Variants in KCNIP1 observed in about 807,000 individuals in gnomAD.
KCNIP1 encodes the protein potassium voltage-gated channel interacting protein 1.
Under a neutral mutation model 33.0 loss-of-function variants are expected in KCNIP1, and 18 were observed. That is an observed-to-expected ratio of 0.55 (90% CI 0.38 to 0.81). KCNIP1 has a LOEUF of 0.81. Ranked by LOEUF, KCNIP1 falls within the 30% of genes least tolerant of loss-of-function variation. KCNIP1 has a pLI of 0.00. For missense variants in KCNIP1, 238 were observed against 271.6 expected (o/e 0.88, Z 0.87); for synonymous variants, 93 against 98.3 (o/e 0.95, Z 0.32).
intron 1 of KCNIP1, among the ~76,000 whole-genome samples, chr5:170,651,673 G>T (rs896825041): frequency 6.6e-5 from 10 of 152,128 alleles, no homozygotes; most frequent in African/African-American, 2.4e-4. Flanking sequence ...ATTTGCTTCC[G>T]TAAAAAAACA....
chr5:170,533,812 G>T (rs1755870131), intron 1 of KCNIP1, among the ~76,000 whole-genome samples: 1 of 152,150 alleles, frequency 6.6e-6, no homozygotes, highest in Non-Finnish European at 1.5e-5. Context: ...TTCTCAGGGA[G>T]TCACATTCCG....
chr5:170,692,789 AT>A (rs1291961915), intron 1 of KCNIP1, among the ~76,000 whole-genome samples: 2 of 152,238 alleles, frequency 1.3e-5, no homozygotes, highest in Non-Finnish European at 2.9e-5. Flanking sequence ...ATATGCTTAT[AT>A]GTTGGTTAAA....
At chr5:170,723,849 G>C (rs1763916541) in intron 5 of KCNIP1, among the ~76,000 whole-genome samples, 1 of 152,192 alleles carries the variant, frequency 6.6e-6, no homozygotes, top group Non-Finnish European at 1.5e-5. Flanking sequence ...GCCAGGAAAA[G>C]TGTTCCAGGC....
intron 1 of KCNIP1, chr5:170,681,047 G>C (rs1267932937): frequency 7.5e-6 from 3 of 399,400 alleles, no homozygotes; most frequent in Non-Finnish European, 1.3e-5. Context: ...AGCGCTTGCC[G>C]GTGCGCCAGG....
chr5:170,431,716 A>G (rs1755745421), intron 1 of KCNIP1, among the ~76,000 whole-genome samples: 1 of 152,236 alleles, frequency 6.6e-6, no homozygotes, highest in African/African-American at 2.4e-5. Flanking sequence ...TCCAGGGTCT[A>G]CACGGGCTGA....
At chr5:170,563,032 A>G (rs1408941418) in intron 1 of KCNIP1, among the ~76,000 whole-genome samples, 2 of 152,134 alleles carry the variant, frequency 1.3e-5, no homozygotes, top group Non-Finnish European at 2.9e-5. Flanking sequence ...CCACCCACAC[A>G]CAGATCTAGT....
At chr5:170,643,594 G>A (rs541689655) in intron 1 of KCNIP1, among the ~76,000 whole-genome samples, 13 of 152,310 alleles carry the variant, frequency 8.5e-5, no homozygotes, top group African/African-American at 2.2e-4. Context: ...AGTGAGACTC[G>A]CCTTCCCCAG....
At chr5:170,652,057 GA>G (rs1174285684) in intron 1 of KCNIP1, among the ~76,000 whole-genome samples, 1 of 152,148 alleles carries the variant, frequency 6.6e-6, no homozygotes, top group East Asian at 1.9e-4. Flanking sequence ...CTGTCACGCT[GA>G]GCAATGAGGA....
intron 1 of KCNIP1, among the ~76,000 whole-genome samples, chr5:170,690,992 C>T (rs1474675775): frequency 6.6e-6 from 1 of 152,158 alleles, no homozygotes; most frequent in Non-Finnish European, 1.5e-5. Flanking sequence ...AAGGTTTTAC[C>T]AAACTTAAAG....
intron 1 of KCNIP1, among the ~76,000 whole-genome samples, chr5:170,517,702 T>C (rs573629135): frequency 1.3e-5 from 2 of 151,650 alleles, no homozygotes; most frequent in Admixed American, 1.3e-4. Flanking sequence ...ATGATGGTGA[T>C]GGTGATGGTA....
At chr5:170,538,060 C>T (rs1296275066) in intron 1 of KCNIP1, among the ~76,000 whole-genome samples, 1 of 152,184 alleles carries the variant, frequency 6.6e-6, no homozygotes, top group Admixed American at 6.5e-5. Context: ...TTCAGAGAGC[C>T]CTGGGAGGAA....
At chr5:170,484,378 G>T (rs983863357) in intron 1 of KCNIP1, among the ~76,000 whole-genome samples, 2 of 152,108 alleles carry the variant, frequency 1.3e-5, no homozygotes. Flanking sequence ...AGCTTCAGAT[G>T]GCGAAAACAA....
At chr5:170,484,261 G>A (rs1757036362) in intron 1 of KCNIP1, 1 of 152,334 alleles carries the variant, frequency 6.6e-6, no homozygotes. Context: ...GATCCCAGAG[G>A]TTGTGGCAGC....
At chr5:170,383,589 T>G in intron 1 of KCNIP1, 1 of 1,447,340 alleles carries the variant, frequency 6.9e-7, no homozygotes, top group Non-Finnish European at 9.6e-7. Context: ...GGGTTGATCT[T>G]TCTCAGCCTC....
chr5:170,471,928 G>T (rs929271083), intron 1 of KCNIP1, among the ~76,000 whole-genome samples: 1 of 152,062 alleles, frequency 6.6e-6, no homozygotes, highest in Non-Finnish European at 1.5e-5. Context: ...TCACATCTCC[G>T]TCAGAGGCCT....
chr5:170,603,252 G>A (rs1342700247), intron 1 of KCNIP1, among the ~76,000 whole-genome samples: 5 of 152,206 alleles, frequency 3.3e-5, no homozygotes, highest in Non-Finnish European at 7.3e-5. Flanking sequence ...AATTCAAAGT[G>A]TCGCTGGAGG....
At chr5:170,564,297 A>G (rs1301619566) in intron 1 of KCNIP1, among the ~76,000 whole-genome samples, 3 of 152,160 alleles carry the variant, frequency 2.0e-5, no homozygotes, top group African/African-American at 7.2e-5. Context: ...GCTTCACACT[A>G]TTCTCATCTT....
At chr5:170,419,020 T>C (rs142671059) in intron 1 of KCNIP1, among the ~76,000 whole-genome samples, 8 of 152,362 alleles carry the variant, frequency 5.3e-5, no homozygotes, top group Admixed American at 1.3e-4. Context: ...TGTCTCTGTA[T>C]CCCATGAACT....
chr5:170,547,657 G>C (rs11742416), intron 1 of KCNIP1, among the ~76,000 whole-genome samples: 2 of 152,080 alleles, frequency 1.3e-5, no homozygotes, highest in Non-Finnish European at 2.9e-5. Context: ...AGTTTGCTAA[G>C]GATAATGGCC....
Sources: allele counts gnomAD v4.1 joint callset (sites outside exome capture counted in the v4.1 genomes callset), GRCh38; gene constraint gnomAD v4.1.1; transcripts MANE v1.5; gene names NCBI Gene and HGNC (gene_info 2026-07-23, HGNC 2026-07-21).